GALNTL6: variants seen among roughly 807,000 people sequenced by gnomAD.
GALNTL6 encodes polypeptide N-acetylgalactosaminyltransferase-like 6.
In GALNTL6, 46 loss-of-function variants were observed where a neutral mutation model predicts 73.7. The ratio of observed to expected loss-of-function variants is 0.62; its 90% CI spans 0.49 to 0.80. The LOEUF (loss-of-function observed/expected upper bound fraction) is 0.80. Ranked by LOEUF, GALNTL6 falls within the 30% of genes least tolerant of loss-of-function variation. The pLI is 0.00. For synonymous variants in GALNTL6, 259 were observed against 263.7 expected (o/e 0.98, Z 0.17); for missense variants, 604 against 755.0 (o/e 0.80, Z 2.34).
chr4:171,915,188 C>T (rs1314021665), intron 2 of GALNTL6, among the ~76,000 whole-genome samples: 1 of 152,120 alleles, frequency 6.6e-6, no homozygotes, highest in African/African-American at 2.4e-5. Flanking sequence ...TTGAATGGCA[C>T]AGCATCATTT....
chr4:172,912,575 C>A (rs559944829), intron 8 of GALNTL6, among the ~76,000 whole-genome samples: 1 of 152,340 alleles, frequency 6.6e-6, no homozygotes, highest in Admixed American at 6.5e-5. Flanking sequence ...ATATCCCATG[C>A]TTGGCTCACC....
rs546476510 is a variant in GALNTL6 at position 172,977,801 on chromosome 4, C to T, written c.1371+25543C>T. Among the ~76,000 whole-genome samples, 18 of 152,110 alleles carry T rather than the reference C, an allele frequency of 1.2e-4. No homozygotes were observed. In the South Asian group the frequency reaches 3.5e-3, roughly 30 times the overall value. ...TAGCTGTACATGCTTGTTCATATGTCGCATGTCTCATTAGCATCTTAAATC... is the reference window on the plus strand; with the variant it reads ...TAGCTGTACATGCTTGTTCATATGTTGCATGTCTCATTAGCATCTTAAATC... On this transcript the variant is annotated intron_variant, in intron 10 of 12. Coordinates refer to ENST00000506823, the MANE Select transcript of GALNTL6 (RefSeq NM_001034845.3).
chr4:172,327,069 A>T (rs1418325039), intron 4 of GALNTL6, among the ~76,000 whole-genome samples: 1 of 151,102 alleles, frequency 6.6e-6, no homozygotes, highest in African/African-American at 2.5e-5. Flanking sequence ...GATTAGATTA[A>T]TATTTTTAAG....
intron 2 of GALNTL6, among the ~76,000 whole-genome samples, chr4:171,991,009 G>A (rs1240102362): frequency 1.3e-5 from 2 of 152,000 alleles, no homozygotes; most frequent in East Asian, 1.9e-4. Context: ...TATGACTATC[G>A]ATGTAGAAAA....
chr4:172,147,338 G>T (rs1200217782), intron 2 of GALNTL6, among the ~76,000 whole-genome samples: 1 of 152,240 alleles, frequency 6.6e-6, no homozygotes, highest in East Asian at 1.9e-4. Flanking sequence ...TCTCATTATC[G>T]CTTAAGGTAC....
At chr4:172,093,745 G>A (rs528977040) in intron 2 of GALNTL6, among the ~76,000 whole-genome samples, 64 of 152,294 alleles carry the variant, frequency 4.2e-4, no homozygotes, top group Non-Finnish European at 7.2e-4. Context: ...CTCTCCTTGT[G>A]AGAAGAATCT....
intron 7 of GALNTL6, 54 bp from the exon 8 acceptor site, chr4:172,882,736 G>A: frequency 1.8e-6 from 2 of 1,138,490 alleles, no homozygotes; most frequent in Middle Eastern, 2.0e-4. Context: ...CAAGGAAAAT[G>A]CCATTGTCTG....
intron 3 of GALNTL6, among the ~76,000 whole-genome samples, chr4:172,270,011 C>T (rs537376922): frequency 6.6e-6 from 1 of 152,276 alleles, no homozygotes; most frequent in East Asian, 1.9e-4. Flanking sequence ...GCTGGGATTA[C>T]AGGTATGAGC....
intron 7 of GALNTL6, among the ~76,000 whole-genome samples, chr4:172,844,225 C>T (rs963019275): frequency 3.9e-5 from 6 of 152,144 alleles, no homozygotes; most frequent in African/African-American, 9.7e-5. Context: ...ACGTTTTCCA[C>T]GGTGGGAAGG....
Position 172,050,552 on chromosome 4 carries a change from A to G in GALNTL6, c.139-179104A>G, listed in dbSNP as rs575028590. Among the ~76,000 whole-genome samples, 26 of 152,304 alleles carry G rather than the reference A, an allele frequency of 1.7e-4. No individual in the cohort carries two copies. In the South Asian group the frequency reaches 5.4e-3, roughly 32 times the overall value. On this transcript the variant is annotated intron_variant, in intron 2 of 12. Coordinates refer to ENST00000506823, the MANE Select transcript of GALNTL6 (RefSeq NM_001034845.3). ...CAGGAAAAAATGTAGAACAAAGAACATAAGTGGTCAGAGTTTAGTCCTTAG... is the reference window on the plus strand; with the variant it reads ...CAGGAAAAAATGTAGAACAAAGAACGTAAGTGGTCAGAGTTTAGTCCTTAG...
chr4:172,972,634 C>T (rs1750632664), intron 10 of GALNTL6, among the ~76,000 whole-genome samples: 1 of 152,110 alleles, frequency 6.6e-6, no homozygotes, highest in Non-Finnish European at 1.5e-5. Flanking sequence ...GAAGAAATAG[C>T]TGATTCTAGT....
intron 5 of GALNTL6, among the ~76,000 whole-genome samples, chr4:172,354,093 C>T (rs1742064908): frequency 6.6e-6 from 1 of 151,978 alleles, no homozygotes; most frequent in Non-Finnish European, 1.5e-5. Context: ...AATACTAACA[C>T]TAAAGTGCAT....
At chr4:172,561,184 C>T (rs1385480742) in intron 5 of GALNTL6, among the ~76,000 whole-genome samples, 2 of 135,346 alleles carry the variant, frequency 1.5e-5, no homozygotes, top group African/African-American at 5.4e-5. Flanking sequence ...ACCCGGGAAG[C>T]GGAGCTTGCA....
chr4:171,903,185 TGAGC>T (rs1175177266), intron 2 of GALNTL6, among the ~76,000 whole-genome samples: 1 of 152,088 alleles, frequency 6.6e-6, no homozygotes, highest in Admixed American at 6.5e-5. Context: ...GCTCCCAGCG[TGAGC>T]GACACAGAAG....
At chr4:172,081,899 C>G (rs115990473) in intron 2 of GALNTL6, among the ~76,000 whole-genome samples, 2,026 of 147,390 alleles carry the variant, frequency 0.014, 41 homozygotes, top group African/African-American at 0.048. Flanking sequence ...TAAATTGAGA[C>G]AGAGTCTCGC....
At chr4:172,900,795 T>A (rs1245527973) in intron 8 of GALNTL6, among the ~76,000 whole-genome samples, 1 of 152,172 alleles carries the variant, frequency 6.6e-6, no homozygotes, top group Non-Finnish European at 1.5e-5. Context: ...AAATTCCTAT[T>A]AAGCAAGAGA....
chr4:172,418,229 T>C (rs1171301881), intron 5 of GALNTL6, among the ~76,000 whole-genome samples: 1 of 152,180 alleles, frequency 6.6e-6, no homozygotes, highest in Non-Finnish European at 1.5e-5. Context: ...TTAAAGGTTA[T>C]TTTCAAGATG....
chr4:171,821,046 T>C (rs1265595863), intron 2 of GALNTL6, among the ~76,000 whole-genome samples: 1 of 152,100 alleles, frequency 6.6e-6, no homozygotes, highest in Non-Finnish European at 1.5e-5. Context: ...ATTTATTTAT[T>C]TTTCCCCAAG....
In GALNTL6 at chr4:172,051,797, C is replaced by T. The variant is rs1226230293; in HGVS notation, c.139-177859C>T. Among the ~76,000 whole-genome samples, 3 of 152,126 alleles carry T rather than the reference C, an allele frequency of 2.0e-5. No individual in the cohort carries two copies. The East Asian group carries it at 5.8e-4, about 29-fold the overall frequency. ...TGGGTTTCCAGGCTTGCAGGTAGGG[C>T]CTCTGCCAGGGAACCACCCTCTTGT... is the stretch of plus-strand genomic sequence containing the variant. On this transcript the variant is annotated intron_variant, in intron 2 of 12. Transcript: ENST00000506823.
Sources: gnomAD v4.1 joint callset for allele counts (sites outside exome capture counted in the v4.1 genomes callset) on GRCh38, gnomAD v4.1.1 for gene constraint, MANE v1.5 for transcripts, NCBI Gene and HGNC (gene_info 2026-07-23, HGNC 2026-07-21) for gene names.